Variants in ZNF12 observed in about 807,000 individuals in gnomAD.
ZNF12 encodes gonadotropin inducible transcription repressor 3.
ZNF12 carries 34 observed loss-of-function variants against 66.6 expected under a neutral mutation model. The ratio of observed to expected loss-of-function variants is 0.51; its 90% CI spans 0.39 to 0.68. The LOEUF (loss-of-function observed/expected upper bound fraction) is 0.68, where lower values mean the gene tolerates loss of function less well. Among genes scored for constraint, ZNF12 ranks in the 30% least tolerant of loss-of-function variants. ZNF12 has a pLI of 0.00. For missense variants in ZNF12, 697 were observed against 826.9 expected, an observed-to-expected ratio of 0.84 and a Z score of 1.93; for synonymous variants, 320 against 278.9, an observed-to-expected ratio of 1.15 and a Z score of -1.47.
Position 6,695,653 on chromosome 7 carries a change from C to T in ZNF12, c.238+1686G>A, listed in dbSNP as rs147319154. On this transcript the variant is annotated intron_variant, in intron 4 of 4. Coordinates refer to ENST00000405858, the MANE Select transcript of ZNF12 (RefSeq NM_016265.4). ...ACACTACATCAAGGGATAACATGCCCCTTTCCTTACAGGACTATGATCCAA... is the reference window on the plus strand; with the variant it reads ...ACACTACATCAAGGGATAACATGCCTCTTTCCTTACAGGACTATGATCCAA... Among the ~76,000 whole-genome samples the T allele has an allele frequency of 1.5e-3, 231 of 152,298 alleles. 1 individual carries two copies. The highest frequency in any genetic ancestry group is 5.4e-3 in the African/African-American group (225 of 41,574).
chr7:6,701,661 T>C (rs892306495), intron 2 of ZNF12, among the ~76,000 whole-genome samples: 4 of 152,092 alleles, frequency 2.6e-5, no homozygotes, highest in African/African-American at 2.4e-5. Flanking sequence ...CACTCTTGGC[T>C]GACGAGCTAT....
chr7:6,692,218 T>C lies in ZNF12; in HGVS notation c.724A>G (p.Lys242Glu). ...AAGGCTATTTCAGATCCATTCCACT[T>C]ATAGGGCTTTTCTTCCATGTGATTA... ...FVNHMEEKPYKWNGSEIAFLQ... is the reference protein window; with the variant it reads ...FVNHMEEKPYEWNGSEIAFLQ... Residue 242 changes from lysine (K) to glutamate (E), a missense_variant, in exon 5 of 5, where the codon AAG (lysine) becomes GAG (glutamate). Lys to Glu is a moderately conservative substitution (Grantham distance 56). This residue lies in a region of ZNF12 where 241 missense variants were observed against 224.0 expected (regional missense o/e 1.08). Coordinates refer to ENST00000405858, the MANE Select transcript of ZNF12 (RefSeq NM_016265.4). This position sits in a 1 kb window ranked among gnomAD's most constrained non-coding sequence, Gnocchi z 5.1. The C allele has an allele frequency of 1.2e-6, 2 of 1,613,980 alleles. No individual in the cohort carries two copies. Among genetic ancestry groups the C allele is most frequent in the Non-Finnish European group, 1.7e-6 (2 of 1,179,874 alleles).
rs576610557 is a variant in ZNF12, at chr7:6,705,939, G to C, written c.-51+493C>G. ...TTACGCTCACTTAACTAGGATACGG[G>C]GGACAGAACACTGGCCTGGGAGATA... On this transcript the variant is annotated intron_variant, in intron 1 of 4. Coordinates refer to ENST00000405858, the MANE Select transcript of ZNF12 (RefSeq NM_016265.4). This position sits in a 1 kb window ranked among gnomAD's most constrained non-coding sequence, Gnocchi z 4.0. Among the ~76,000 whole-genome samples, 155 of 152,224 alleles carry C rather than the reference G, an allele frequency of 1.0e-3. No individual in the cohort carries two copies. Among genetic ancestry groups the C allele is most frequent in the Non-Finnish European group, 2.0e-3 (135 of 68,020 alleles).
rs1386766578 is a variant in ZNF12, at chr7:6,706,593, G to A, written c.-212C>T. 1.3e-5 allele frequency: 6 copies of A among 456,690 alleles called. No homozygotes were observed. Among genetic ancestry groups the A allele is most frequent in the Non-Finnish European group, 2.2e-5 (5 of 228,206 alleles). The allele number at this position is 456,690 out of a possible 1,614,324, so 28.3% of individuals were successfully genotyped here. On this transcript the variant is annotated 5_prime_UTR_variant, in exon 1 of 5. Coordinates refer to ENST00000405858, the MANE Select transcript of ZNF12 (RefSeq NM_016265.4). ...CCGGGCCTACGGGACAAATCCAGGC[G>A]GGGCGTCCCTCCCGGAGCCCAGATC...
rs962436654 is a variant in ZNF12 at position 6,692,892 on chromosome 7, C to T, written c.239-189G>A. On this transcript the variant is annotated intron_variant, in intron 4 of 4. Transcript: ENST00000405858. This position sits in a 1 kb window ranked among gnomAD's most constrained non-coding sequence, Gnocchi z 5.1. ...TTAAAATTACACACACACAAACACA[C>T]ACACACACACACATCCCCCTCTAGG... Among the ~76,000 whole-genome samples, 1 of 152,042 alleles carries T rather than the reference C, an allele frequency of 6.6e-6. No homozygotes were observed. Among genetic ancestry groups the T allele is most frequent in the Non-Finnish European group, 1.5e-5 (1 of 68,008 alleles).
Position 6,689,030 on chromosome 7 carries a change from T to G in ZNF12, c.*1818A>C, listed in dbSNP as rs1780028161. On this transcript the variant is annotated 3_prime_UTR_variant, in exon 5 of 5. Transcript: ENST00000405858. ...AAAATAAATCTCTATATCAACAGCT[T>G]AAAATAAATGACTTACCTAAAGTCC... is the stretch of plus-strand genomic sequence containing the variant. The G allele has an allele frequency of 6.6e-6, 1 of 152,634 alleles. No individual in the cohort carries two copies. Among genetic ancestry groups the G allele is most frequent in the Non-Finnish European group, 1.5e-5 (1 of 68,032 alleles). 9.5% of individuals were successfully genotyped at this position (152,634 alleles called of 1,614,324 possible). A position where few individuals can be genotyped will look rare whatever the true frequency, so the allele number is the denominator to read the frequency against.
chr7:6,703,478 A>G (rs1780291524), intron 2 of ZNF12, among the ~76,000 whole-genome samples: 1 of 152,210 alleles, frequency 6.6e-6, no homozygotes. Context: ...CAGAAAATGG[A>G]CAACTTTAGA....
chr7:6,704,305 A>C (rs1780310665), intron 2 of ZNF12: 1 of 147,276 alleles, frequency 6.8e-6, no homozygotes, highest in African/African-American at 2.5e-5. Context: ...ACAGAGTGAG[A>C]CTCCATCTTT....
chr7:6,703,871 C>T (rs1157371534), intron 2 of ZNF12, among the ~76,000 whole-genome samples: 3 of 152,210 alleles, frequency 2.0e-5, no homozygotes, highest in African/African-American at 7.2e-5. Flanking sequence ...ATGCAAATGT[C>T]CACTAAGAGC....
In ZNF12 at chr7:6,692,401, C is replaced by G; in HGVS notation, c.541G>C (p.Glu181Gln). 13 of 1,612,936 alleles carry G rather than the reference C, an allele frequency of 8.1e-6. No homozygotes were observed. The highest frequency in any genetic ancestry group is 1.1e-5 in the Non-Finnish European group (13 of 1,179,394). Reference sequence around the variant, plus strand: ...GCTTGATCTCCTGGATGAGTTTTCTCAAGCTTAATATGGAGGAGTGATTTC... The same window carrying G: ...GCTTGATCTCCTGGATGAGTTTTCTGAAGCTTAATATGGAGGAGTGATTTC... ...CGKSLLHIKL[E>Q]KTHPGDQAYE... is the part of the protein sequence containing the mutation. Residue 181 changes from glutamate to glutamine, a missense_variant, in exon 5 of 5, where the codon GAG becomes CAG. By Grantham distance (29) the Glu-to-Gln change is conservative. Coordinates refer to ENST00000405858, the MANE Select transcript of ZNF12 (RefSeq NM_016265.4). This position sits in a 1 kb window ranked among gnomAD's most constrained non-coding sequence, Gnocchi z 5.1.
chr7:6,697,790 C>T lies in ZNF12; in HGVS notation c.37G>A (p.Val13Met), dbSNP rs1289318915. Residue 13 changes from valine to methionine, a missense_variant, in exon 3 of 5, where the codon GTG (valine) becomes ATG (methionine). This residue lies in a region of ZNF12 where 55 missense variants were observed against 83.9 expected (regional missense o/e 0.66). Transcript: ENST00000405858. The surrounding 1 kb of genome is among the most constrained non-coding windows in gnomAD (Gnocchi z 6.1). Reference protein sequence around the residue: ...KSLGPVSFKDVAVDFTQEEWQ... With the variant: ...KSLGPVSFKDMAVDFTQEEWQ... ...TCCTCCTGGGTGAAGTCCACAGCCA[C>T]GTCCTTGAATGACACTGGCCCCTGA... 3.7e-6 allele frequency: 6 copies of T among 1,614,038 alleles called. No individual in the cohort carries two copies. The highest frequency in any genetic ancestry group is 5.1e-6 in the Non-Finnish European group (6 of 1,180,038).
rs778834595 is a variant in ZNF12 at position 6,697,997 on chromosome 7, A to G, written c.16-186T>C. The G allele has an allele frequency of 1.2e-6, 1 of 808,246 alleles. No individual in the cohort carries two copies. The highest frequency in any genetic ancestry group is 2.2e-6 in the Non-Finnish European group (1 of 460,460). The allele number at this position is 808,246 out of a possible 1,614,324, so 50.1% of individuals were successfully genotyped here. A position where few individuals can be genotyped will look rare whatever the true frequency, so the allele number is the denominator to read the frequency against. ...GGGGTTCATTCAGTATACATCAAAC[A>G]AAAAACAAAAAACAAAAAAACAACA... On this transcript the variant is annotated intron_variant, in intron 2 of 4. Coordinates refer to ENST00000405858, the MANE Select transcript of ZNF12 (RefSeq NM_016265.4). This position sits in a 1 kb window ranked among gnomAD's most constrained non-coding sequence, Gnocchi z 6.1.
chr7:6,704,416 C>G (rs978520229), intron 2 of ZNF12: 3 of 151,388 alleles, frequency 2.0e-5, no homozygotes, highest in Non-Finnish European at 4.4e-5. Flanking sequence ...ACCTTTGAGA[C>G]AACAATGTTT....
rs187392885 is a variant in ZNF12, at chr7:6,689,060, C to T, written c.*1788G>A. ...TAAATGACTTACCTAAAGTCCACTT[C>T]TGAACTGCATAACTCCTATAAAGGT... is the stretch of plus-strand genomic sequence containing the variant. On this transcript the variant is annotated 3_prime_UTR_variant, in exon 5 of 5. Transcript: ENST00000405858. 2 of 152,552 alleles carry T rather than the reference C, an allele frequency of 1.3e-5. No individual in the cohort carries two copies. Among genetic ancestry groups the T allele is most frequent in the South Asian group, 4.1e-4 (2 of 4,834 alleles). The allele number at this position is 152,552 out of a possible 1,614,324, so 9.4% of individuals were successfully genotyped here. A position where few individuals can be genotyped will look rare whatever the true frequency, so the allele number is the denominator to read the frequency against.
Position 6,697,900 on chromosome 7 carries a change from G to T in ZNF12, c.16-89C>A. On this transcript the variant is annotated intron_variant, in intron 2 of 4. Coordinates refer to ENST00000405858, the MANE Select transcript of ZNF12 (RefSeq NM_016265.4). The surrounding 1 kb of genome is among the most constrained non-coding windows in gnomAD (Gnocchi z 6.1). ...CATGCTCACTGGCAAAATTAACCAT[G>T]AACACTGTATACCTTTATTTTATGT... 7.2e-7 allele frequency: 1 copy of T among 1,386,760 alleles called. No individual in the cohort carries two copies. The highest frequency in any genetic ancestry group is 1.2e-5 in the South Asian group (1 of 86,542). 85.9% of individuals were successfully genotyped at this position (1,386,760 alleles called of 1,614,324 possible).
intron 2 of ZNF12, chr7:6,700,883 T>G (rs1780231738): frequency 6.6e-6 from 1 of 152,204 alleles, no homozygotes; most frequent in Non-Finnish European, 1.5e-5. Flanking sequence ...CCCGAATTAT[T>G]CCAGGGCTGG....
chr7:6,704,367 A>C (rs1314953578), intron 2 of ZNF12: 1 of 151,454 alleles, frequency 6.6e-6, no homozygotes, highest in Non-Finnish European at 1.5e-5. Context: ...AAGGGTGAGA[A>C]GGCCATTTCT....
chr7:6,699,516 C>T (rs1197895477), intron 2 of ZNF12, among the ~76,000 whole-genome samples: 1 of 152,236 alleles, frequency 6.6e-6, no homozygotes, highest in African/African-American at 2.4e-5. Flanking sequence ...AGGACTGCCC[C>T]AGCAGGTGAT....
rs746069613 is a variant in ZNF12, at chr7:6,697,898, A to G, written c.16-87T>C. On this transcript the variant is annotated intron_variant, in intron 2 of 4. Transcript: ENST00000405858. The surrounding 1 kb of genome is among the most constrained non-coding windows in gnomAD (Gnocchi z 6.1). ...AGCATGCTCACTGGCAAAATTAACCATGAACACTGTATACCTTTATTTTAT... is the reference window on the plus strand; with the variant it reads ...AGCATGCTCACTGGCAAAATTAACCGTGAACACTGTATACCTTTATTTTAT... 7.9e-6 allele frequency: 11 copies of G among 1,398,126 alleles called. No homozygotes were observed. The highest frequency in any genetic ancestry group is 1.4e-5 in the African/African-American group (1 of 70,598). 86.6% of individuals were successfully genotyped at this position (1,398,126 alleles called of 1,614,324 possible). A position where few individuals can be genotyped will look rare whatever the true frequency, so the allele number is the denominator to read the frequency against.
Sources: gnomAD v4.1 joint callset for allele counts (sites outside exome capture counted in the v4.1 genomes callset) on GRCh38, gnomAD v4.1.1 for gene constraint, gnomAD v4.1.1 regional missense constraint, Gnocchi (gnomAD v3.1) non-coding constraint, MANE v1.5 for transcripts, NCBI Gene and HGNC (gene_info 2026-07-23, HGNC 2026-07-21) for gene names.